The following KLF12 variants were observed in gnomAD, a reference collection of about 807,000 sequenced individuals.
The protein encoded by KLF12 is KLF transcription factor 12.
Under a neutral mutation model 37.8 loss-of-function variants are expected in KLF12, and 9 were observed. The observed-to-expected ratio is 0.24, with a 90% CI of 0.14 to 0.42. KLF12 has a LOEUF of 0.42. KLF12 is among the 10% of genes least tolerant of loss of function. The pLI is 1.00. For missense variants in KLF12, 411 were observed against 516.0 expected (o/e 0.80, Z 1.97); for synonymous variants, 208 against 202.1 (o/e 1.03, Z -0.25).
chr13:73,928,972 A>G (rs1889538597), intron 3 of KLF12, among the ~76,000 whole-genome samples: 1 of 152,220 alleles, frequency 6.6e-6, no homozygotes, highest in Non-Finnish European at 1.5e-5. Context: ...ATCACTCTCC[A>G]AGTAAACTGT....
intron 7 of KLF12, among the ~76,000 whole-genome samples, chr13:73,704,576 C>T (rs1415952615): frequency 6.6e-6 from 1 of 152,146 alleles, no homozygotes; most frequent in African/African-American, 2.4e-5. Flanking sequence ...CACCTTTTAC[C>T]AGGACCAGTT....
At chr13:74,010,867 G>A (rs922896744) in intron 1 of KLF12, among the ~76,000 whole-genome samples, 3 of 152,156 alleles carry the variant, frequency 2.0e-5, no homozygotes, top group African/African-American at 7.2e-5. Context: ...TAGAAGACTG[G>A]TTCATGGTTT....
intron 3 of KLF12, among the ~76,000 whole-genome samples, chr13:73,898,647 C>G (rs574534651): frequency 2.6e-5 from 4 of 152,078 alleles, no homozygotes; most frequent in Non-Finnish European, 5.9e-5. Context: ...AGGAGGTGGA[C>G]AAGGAGGGGC....
chr13:73,999,510 G>A (rs1404387817), intron 1 of KLF12, among the ~76,000 whole-genome samples: 1 of 151,938 alleles, frequency 6.6e-6, no homozygotes. Context: ...CAGGTGGGCA[G>A]ATCACGAGGT....
chr13:74,265,469 C>T, the KLF12 span, among the ~76,000 whole-genome samples: 1 of 152,178 alleles, frequency 6.6e-6, no homozygotes, highest in African/African-American at 2.4e-5. Context: ...AGAGTCATTA[C>T]TCTATTTCTA....
chr13:73,844,680 ACAAT>A (rs376426559), intron 4 of KLF12: 5 of 152,204 alleles, frequency 3.3e-5, no homozygotes, highest in African/African-American at 1.2e-4. Flanking sequence ...CTGTAAGTTC[ACAAT>A]CAATCAAATG....
At chr13:73,923,993 C>A (rs1889247431) in intron 3 of KLF12, among the ~76,000 whole-genome samples, 1 of 152,198 alleles carries the variant, frequency 6.6e-6, no homozygotes, top group African/African-American at 2.4e-5. Flanking sequence ...ATGAATTTTT[C>A]ACTTTTCTCT....
At chr13:73,907,129 T>C (rs1374114625) in intron 3 of KLF12, among the ~76,000 whole-genome samples, 3 of 152,178 alleles carry the variant, frequency 2.0e-5, no homozygotes, top group Admixed American at 6.5e-5. Flanking sequence ...TGTGAAAAGA[T>C]ACATCATTGA....
chr13:74,299,384 A>G, the KLF12 span, among the ~76,000 whole-genome samples: 1 of 152,166 alleles, frequency 6.6e-6, no homozygotes. Context: ...CACCCTATAT[A>G]TGCTTTCACA....
At chr13:73,736,659 T>G (rs1012128694) in intron 6 of KLF12, among the ~76,000 whole-genome samples, 3 of 152,234 alleles carry the variant, frequency 2.0e-5, no homozygotes, top group African/African-American at 7.2e-5. Context: ...TCATGATGCA[T>G]ATTTCGGCTT....
intron 2 of KLF12, among the ~76,000 whole-genome samples, chr13:73,976,015 T>C (rs1425561728): frequency 6.6e-6 from 1 of 152,052 alleles, no homozygotes; most frequent in Non-Finnish European, 1.5e-5. Context: ...GTAAACCCCA[T>C]GCAGGCACAC....
At chr13:74,182,446 A>G in the KLF12 span, among the ~76,000 whole-genome samples, 35 of 152,234 alleles carry the variant, frequency 2.3e-4, no homozygotes, top group Non-Finnish European at 3.8e-4. Context: ...AACAGCCTAC[A>G]AACACCACAT....
chr13:73,721,269 T>C (rs1037329426), intron 6 of KLF12, among the ~76,000 whole-genome samples: 2 of 152,194 alleles, frequency 1.3e-5, no homozygotes, highest in African/African-American at 4.8e-5. Context: ...CAATTTTAAT[T>C]ACAATGTTAT....
At chr13:74,276,294 G>C in the KLF12 span, among the ~76,000 whole-genome samples, 3 of 152,136 alleles carry the variant, frequency 2.0e-5, no homozygotes, top group South Asian at 4.1e-4. Flanking sequence ...TAAATTTTTT[G>C]TAGAGATGGG....
chr13:74,133,807 C>G lies in KLF12; in HGVS notation c.-100G>C, dbSNP rs1056483193. Among the ~76,000 whole-genome samples the G allele has an allele frequency of 7.2e-6, 1 of 138,534 alleles. No homozygotes were observed. Among genetic ancestry groups the G allele is most frequent in the African/African-American group, 2.6e-5 (1 of 38,120 alleles). 90.9% of individuals were successfully genotyped at this position (138,534 alleles called of 152,430 possible). ...CACACAGAGTCCCCCTCTCTCTCTC[C>G]CTTTCTCTCTCTCACACGCGCGCGC... is the stretch of plus-strand genomic sequence containing the variant. On this transcript the variant is annotated 5_prime_UTR_variant, in exon 1 of 8. Transcript: ENST00000377669.
chr13:73,935,752 G>A (rs1410275759), intron 3 of KLF12, among the ~76,000 whole-genome samples: 5 of 151,898 alleles, frequency 3.3e-5, no homozygotes, highest in East Asian at 1.9e-4. Context: ...CTCAACCTCC[G>A]GAGTAGCTGG....
the KLF12 span, among the ~76,000 whole-genome samples, chr13:74,267,660 G>T: frequency 0.23 from 35,216 of 151,968 alleles, 4,355 homozygotes; most frequent in South Asian, 0.37. Flanking sequence ...AGGCTCTAGT[G>T]TTAGCACAGT....
intron 2 of KLF12, among the ~76,000 whole-genome samples, chr13:73,989,760 G>A (rs987139793): frequency 6.6e-6 from 1 of 152,134 alleles, no homozygotes; most frequent in Non-Finnish European, 1.5e-5. Context: ...CATGAGAACT[G>A]CAGGTAAAAG....
rs57156299 is a variant in KLF12 at position 74,082,163 on chromosome 13, T to TAAAAAAAAAAAAAAAAAAAAAA, written c.-32+51575_-32+51576insTTTTTTTTTTTTTTTTTTTTTT. 8.1e-4 allele frequency among the ~76,000 whole-genome samples: 93 copies of TAAAAAAAAAAAAAAAAAAAAAA among 114,696 alleles called. 2 individuals are homozygous for TAAAAAAAAAAAAAAAAAAAAAA. The highest frequency in any genetic ancestry group is 3.2e-3 in the African/African-American group (90 of 28,310). The allele number at this position is 114,696 out of a possible 152,430, so 75.2% of individuals were successfully genotyped here. A position where few individuals can be genotyped will look rare whatever the true frequency, so the allele number is the denominator to read the frequency against. On this transcript the variant is annotated intron_variant, in intron 1 of 7. Coordinates refer to ENST00000377669, the MANE Select transcript of KLF12 (RefSeq NM_007249.5). ...GGCAACATAGCAAGACCCTGTCTCT[T>TAAAAAAAAAAAAAAAAAAAAAA]AAAAAAAAAAAAAAACAAAGTTAGC...
Sources: allele counts gnomAD v4.1 joint callset (sites outside exome capture counted in the v4.1 genomes callset), GRCh38; gene constraint gnomAD v4.1.1; transcripts MANE v1.5; gene names NCBI Gene and HGNC (gene_info 2026-07-23, HGNC 2026-07-21).